PRLR: variants seen among roughly 807,000 people sequenced by gnomAD.
PRLR encodes prolactin receptor.
PRLR carries 13 observed loss-of-function variants against 40.2 expected under a neutral mutation model. That is an observed-to-expected ratio of 0.32 (90% CI 0.21 to 0.51). The LOEUF is 0.51. PRLR is among the 20% of genes least tolerant of loss of function. The probability of loss-of-function intolerance (pLI) is 0.97; values close to 1 mark genes in which losing one functional copy is unlikely to be tolerated. For synonymous variants in PRLR, 269 were observed against 278.7 expected (o/e 0.97, Z 0.35); for missense variants, 656 against 747.3 (o/e 0.88, Z 1.42).
At chr5:35,213,930 C>T (rs1249544964) in intron 1 of PRLR, among the ~76,000 whole-genome samples, 1 of 152,198 alleles carries the variant, frequency 6.6e-6, no homozygotes, top group African/African-American at 2.4e-5. Context: ...AGGCCTTTGT[C>T]CAGGCTGAGG....
intron 1 of PRLR, among the ~76,000 whole-genome samples, chr5:35,205,626 C>T (rs1775996770): frequency 1.3e-5 from 2 of 152,156 alleles, no homozygotes; most frequent in Admixed American, 1.3e-4. Flanking sequence ...GAACACACAT[C>T]TAGCAAGTAA....
chr5:35,077,345 A>G (rs1199124294), intron 5 of PRLR, among the ~76,000 whole-genome samples: 3 of 152,196 alleles, frequency 2.0e-5, no homozygotes, highest in Non-Finnish European at 4.4e-5. Context: ...AAAGGAATGG[A>G]GGAAGATCTA....
intron 1 of PRLR, among the ~76,000 whole-genome samples, chr5:35,188,564 T>G (rs1775511296): frequency 6.6e-6 from 1 of 152,230 alleles, no homozygotes; most frequent in African/African-American, 2.4e-5. Flanking sequence ...GCGACTTGCA[T>G]GGTTCTGTGT....
In PRLR at chr5:35,060,813, A is replaced by G. The variant is rs2112350105; in HGVS notation, c.*4276T>C. Reference sequence around the variant, plus strand: ...CATTTATATTTTTCTGTTTGTGTACAAAGTTCCAATGTGCATGCATTGTTC... The same window carrying G: ...CATTTATATTTTTCTGTTTGTGTACGAAGTTCCAATGTGCATGCATTGTTC... On this transcript the variant is annotated 3_prime_UTR_variant, in exon 10 of 10. Coordinates refer to ENST00000618457, the MANE Select transcript of PRLR (RefSeq NM_000949.7). 6.6e-6 allele frequency: 1 copy of G among 152,338 alleles called. No individual in the cohort carries two copies. The highest frequency in any genetic ancestry group is 2.4e-5 in the African/African-American group (1 of 41,568). The allele number at this position is 152,338 out of a possible 1,614,324, so 9.4% of individuals were successfully genotyped here. A position where few individuals can be genotyped will look rare whatever the true frequency, so the allele number is the denominator to read the frequency against.
rs940799356 is a variant in PRLR, at chr5:35,063,667, G to A, written c.*1422C>T. The A allele has an allele frequency of 6.6e-6, 1 of 152,218 alleles. No homozygotes were observed. The highest frequency in any genetic ancestry group is 2.4e-5 in the African/African-American group (1 of 41,452). The allele number at this position is 152,218 out of a possible 1,614,324, so 9.4% of individuals were successfully genotyped here. On this transcript the variant is annotated 3_prime_UTR_variant, in exon 10 of 10. Coordinates refer to ENST00000618457, the MANE Select transcript of PRLR (RefSeq NM_000949.7). ...AGATTTTGCAATTGAATTTACTTCAGAGAGACACTAACTCCTGGCTTTGCT... is the reference window on the plus strand; with the variant it reads ...AGATTTTGCAATTGAATTTACTTCAAAGAGACACTAACTCCTGGCTTTGCT...
At chr5:35,110,664 T>C (rs1347665313) in intron 2 of PRLR, among the ~76,000 whole-genome samples, 1 of 152,302 alleles carries the variant, frequency 6.6e-6, no homozygotes, top group Admixed American at 6.5e-5. Flanking sequence ...CATCTAGTGT[T>C]CCTCAAAGTC....
chr5:35,102,836 C>T (rs1771987679), intron 2 of PRLR, among the ~76,000 whole-genome samples: 1 of 152,116 alleles, frequency 6.6e-6, no homozygotes, highest in African/African-American at 2.4e-5. Context: ...AGCTGCCACG[C>T]CCGGCTTTTT....
intron 2 of PRLR, among the ~76,000 whole-genome samples, chr5:35,111,131 T>G (rs1013022681): frequency 1.3e-5 from 2 of 152,212 alleles, no homozygotes; most frequent in South Asian, 2.1e-4. Context: ...GTGGTGTAGT[T>G]GTATTTAGAG....
At position 35,100,208 on chromosome 5, in the gene PRLR, A is replaced by G. The variant is rs1186335397; in HGVS notation, c.-43-10545T>C. 6.6e-5 allele frequency among the ~76,000 whole-genome samples: 10 copies of G among 152,098 alleles called. No individual in the cohort carries two copies. The East Asian group carries it at 1.9e-3, about 29-fold the overall frequency. ...CAAAAAAAAAAAAAAAAAAAGTCAA[A>G]ATGAGTTTAAGAAAGTTTATAAAGT... On this transcript the variant is annotated intron_variant, in intron 2 of 9. Coordinates refer to ENST00000618457, the MANE Select transcript of PRLR (RefSeq NM_000949.7).
chr5:35,170,120 C>T (rs1388527122), intron 1 of PRLR, among the ~76,000 whole-genome samples: 1 of 152,182 alleles, frequency 6.6e-6, no homozygotes, highest in Admixed American at 6.5e-5. Context: ...ACATTATTGT[C>T]ATCCCACAAT....
At chr5:35,196,030 C>T (rs1775725221) in intron 1 of PRLR, among the ~76,000 whole-genome samples, 1 of 28,688 alleles carries the variant, frequency 3.5e-5, no homozygotes, top group Non-Finnish European at 8.1e-5. Context: ...AATATCGGCT[C>T]TCCCTAAATA....
intron 2 of PRLR, among the ~76,000 whole-genome samples, chr5:35,098,901 T>C (rs559592606): frequency 6.6e-6 from 1 of 152,284 alleles, no homozygotes; most frequent in Admixed American, 6.5e-5. Context: ...AACTGAGGCC[T>C]GGAAAAATGA....
intron 1 of PRLR, among the ~76,000 whole-genome samples, chr5:35,218,219 A>G (rs1010123119): frequency 1.3e-5 from 2 of 152,200 alleles, no homozygotes; most frequent in East Asian, 3.8e-4. Context: ...AGTCAACCGT[A>G]AGAAATACCT....
At chr5:35,226,660 A>C (rs1431673895) in intron 1 of PRLR, among the ~76,000 whole-genome samples, 1 of 152,184 alleles carries the variant, frequency 6.6e-6, no homozygotes, top group African/African-American at 2.4e-5. Context: ...ATGCGGGTTT[A>C]AGTTCAAGGG....
chr5:35,136,903 G>A (rs1773874248), intron 1 of PRLR, among the ~76,000 whole-genome samples: 3 of 151,106 alleles, frequency 2.0e-5, no homozygotes, highest in African/African-American at 7.4e-5. Context: ...TTATGTTGCT[G>A]GTATCGAGTC....
At chr5:35,194,360 G>A (rs757198452) in intron 1 of PRLR, among the ~76,000 whole-genome samples, 2 of 152,148 alleles carry the variant, frequency 1.3e-5, no homozygotes, top group Non-Finnish European at 2.9e-5. Context: ...CTGAGCGTTG[G>A]TTACAAGGCC....
In PRLR at chr5:35,072,730, G is replaced by T; in HGVS notation, c.388C>A (p.Pro130Thr). The stretch of plus-strand genomic sequence containing the variant: ...TTTACTTCCACAGCCAGCTCCAAAG[G>T]AGGGTCTGGCTGAACTGCAGAAATA... ...DVTYIVQPDP[P>T]LELAVEVKQP... The change falls in exon 6 of 10, where the codon CCT (proline) becomes ACT (threonine). Residue 130 changes from proline to threonine, a missense_variant. By Grantham distance (38) the Pro-to-Thr change is conservative (BLOSUM62 -1). This residue lies in a region of PRLR where 180 missense variants were observed against 236.8 expected (regional missense o/e 0.76). Coordinates refer to ENST00000618457, the MANE Select transcript of PRLR (RefSeq NM_000949.7). The T allele has an allele frequency of 6.2e-7, 1 of 1,614,132 alleles. No homozygotes were observed. The highest frequency in any genetic ancestry group is 2.2e-5 in the East Asian group (1 of 44,878).
intron 2 of PRLR, among the ~76,000 whole-genome samples, chr5:35,115,595 A>G (rs1162783213): frequency 6.6e-6 from 1 of 152,054 alleles, no homozygotes; most frequent in Non-Finnish European, 1.5e-5. Flanking sequence ...GAGAGAGTTA[A>G]GGGCAGAAGT....
At chr5:35,133,067 C>A (rs895206403) in intron 1 of PRLR, among the ~76,000 whole-genome samples, 1 of 152,156 alleles carries the variant, frequency 6.6e-6, no homozygotes, top group Admixed American at 6.5e-5. Context: ...TCCCTCTATT[C>A]CTGCCCTTGG....
Sources: gnomAD v4.1 joint callset for allele counts (sites outside exome capture counted in the v4.1 genomes callset) on GRCh38, gnomAD v4.1.1 for gene constraint, gnomAD v4.1.1 regional missense constraint, MANE v1.5 for transcripts, NCBI Gene and HGNC (gene_info 2026-07-23, HGNC 2026-07-21) for gene names.